Variants in CCDC171 observed in about 807,000 individuals in gnomAD.
CCDC171 encodes coiled-coil domain containing 171.
CCDC171 carries 177 observed loss-of-function variants against 168.2 expected under a neutral mutation model. The ratio of observed to expected loss-of-function variants is 1.05; its 90% CI spans 0.93 to 1.19. The LOEUF is 1.19. CCDC171 is among the 50% of genes most tolerant of loss of function. The pLI, the probability that CCDC171 is intolerant of heterozygous loss-of-function variation, is 0.00. For synonymous variants in CCDC171, 687 were observed against 540.8 expected (o/e 1.27, Z -3.75); for missense variants, 1,991 against 1,539.0 (o/e 1.29, Z -4.91).
chr9:16,000,728 C>CTT (rs368139063), intron 3 of CCDC171, among the ~76,000 whole-genome samples: 127 of 148,382 alleles, frequency 8.6e-4, no homozygotes, highest in East Asian at 2.8e-3. Context: ...TAAGAAGAGA[C>CTT]TTTTTTTTTT....
At chr9:15,690,274 G>T (rs2050696150) in intron 10 of CCDC171, among the ~76,000 whole-genome samples, 2 of 152,088 alleles carry the variant, frequency 1.3e-5, no homozygotes, top group South Asian at 4.2e-4. Flanking sequence ...TGTCAATTAT[G>T]TCTCAGTCAA....
At chr9:15,937,819 A>G (rs1047801988) in intron 25 of CCDC171, among the ~76,000 whole-genome samples, 2 of 152,054 alleles carry the variant, frequency 1.3e-5, no homozygotes, top group South Asian at 2.1e-4. Flanking sequence ...ATCTTTTTCT[A>G]CTGGGTAAAC....
chr9:16,057,326 T>A (rs1833856736), intron 1 of CCDC171, among the ~76,000 whole-genome samples: 1 of 152,232 alleles, frequency 6.6e-6, no homozygotes, highest in Non-Finnish European at 1.5e-5. Flanking sequence ...TATTATCTTT[T>A]ACAATATGGA....
intron 23 of CCDC171, among the ~76,000 whole-genome samples, chr9:15,855,583 T>TC (rs923524061): frequency 6.6e-6 from 1 of 151,896 alleles, no homozygotes; most frequent in Non-Finnish European, 1.5e-5. Flanking sequence ...GCCATTTTTT[T>TC]CTGCATGTGT....
the CCDC171 span, among the ~76,000 whole-genome samples, chr9:16,106,795 T>C: frequency 1.5e-4 from 23 of 152,134 alleles, no homozygotes; most frequent in Non-Finnish European, 2.2e-4. Flanking sequence ...AATCTTCCTC[T>C]GAGGCTTTTT....
intron 9 of CCDC171, among the ~76,000 whole-genome samples, chr9:15,668,400 TTTTACTCAAATTTAGTA>T: frequency 6.6e-6 from 1 of 152,314 alleles, no homozygotes; most frequent in South Asian, 2.1e-4. Flanking sequence ...ACTTGAAAAT[TTTTACTCAAATTTAGTA>T]TTCCAGTAAG....
chr9:15,987,069 G>A (rs192774958), intron 3 of CCDC171, among the ~76,000 whole-genome samples: 110 of 112,090 alleles, frequency 9.8e-4, no homozygotes, highest in African/African-American at 4.9e-3. Context: ...TCATAATATT[G>A]GCATAGAGAA....
chr9:15,655,414 T>A (rs1468954854), intron 7 of CCDC171, among the ~76,000 whole-genome samples: 1 of 152,208 alleles, frequency 6.6e-6, no homozygotes, highest in African/African-American at 2.4e-5. Flanking sequence ...AACAGATTCT[T>A]GGTCATGACC....
chr9:16,037,954 A>G (rs1015615864), upstream of CCDC171, among the ~76,000 whole-genome samples: 1 of 152,228 alleles, frequency 6.6e-6, no homozygotes, highest in African/African-American at 2.4e-5. Context: ...CAGGAAGTAC[A>G]GTAAGTCATG....
chr9:15,583,328 C>A lies in CCDC171; in HGVS notation c.352+4305C>A, dbSNP rs150252837. Among the ~76,000 whole-genome samples the A allele has an allele frequency of 2.3e-3, 341 of 149,028 alleles. 2 individuals are homozygous for A. Among genetic ancestry groups the A allele is most frequent in the African/African-American group, 8.1e-3 (329 of 40,676 alleles). On this transcript the variant is annotated intron_variant, in intron 4 of 25. Transcript: ENST00000380701. ...TACTTGGGAGGCTGAGGCAGAATAG[C>A]TTGAACCTGGGAGGCAGAGGTTGCA...
At chr9:16,060,048 T>C (rs939285960) in intron 1 of CCDC171, among the ~76,000 whole-genome samples, 2 of 152,166 alleles carry the variant, frequency 1.3e-5, no homozygotes, top group Non-Finnish European at 2.9e-5. Context: ...CTGCCCAACC[T>C]CCCTTCCTTA....
chr9:15,829,498 T>C (rs1470652040), intron 21 of CCDC171, among the ~76,000 whole-genome samples: 2 of 152,210 alleles, frequency 1.3e-5, no homozygotes, highest in African/African-American at 4.8e-5. Flanking sequence ...ATGTGAAAGT[T>C]AGTAATTTTT....
chr9:15,633,898 A>C (rs2045972446), intron 7 of CCDC171, among the ~76,000 whole-genome samples: 1 of 152,230 alleles, frequency 6.6e-6, no homozygotes. Flanking sequence ...ATTGGAAATC[A>C]TCATTCTCAG....
intron 21 of CCDC171, among the ~76,000 whole-genome samples, chr9:15,787,959 T>C (rs560103247): frequency 2.0e-5 from 3 of 152,334 alleles, no homozygotes; most frequent in Admixed American, 1.3e-4. Context: ...AAAGCATCTT[T>C]GTCATTTTGA....
chr9:15,923,791 C>CT (rs1270492737), intron 25 of CCDC171, among the ~76,000 whole-genome samples: 1 of 151,322 alleles, frequency 6.6e-6, no homozygotes, highest in Non-Finnish European at 1.5e-5. Flanking sequence ...AAATAGAGAA[C>CT]TTTTTTTCTC....
intron 23 of CCDC171, among the ~76,000 whole-genome samples, chr9:15,855,786 G>A (rs545734733): frequency 3.3e-5 from 5 of 151,864 alleles, no homozygotes; most frequent in East Asian, 1.9e-4. Flanking sequence ...TAATGCCAAC[G>A]TAGTGCCAAT....
chr9:16,008,675 C>T (rs1245369780), intron 3 of CCDC171, among the ~76,000 whole-genome samples: 1 of 152,202 alleles, frequency 6.6e-6, no homozygotes, highest in African/African-American at 2.4e-5. Context: ...CGCTGGGCCC[C>T]AGGTCTTGCC....
rs371815401 is a variant in CCDC171 at position 15,574,824 on chromosome 9, A to C, written c.177+3065A>C. ...TTGTTGGAGGATCTTGGGCAAGTTA[A>C]TTTATTTTTCTGAGCTACAGGTTTC... On this transcript the variant is annotated intron_variant, in intron 3 of 25. Coordinates refer to ENST00000380701, the MANE Select transcript of CCDC171 (RefSeq NM_173550.4). Among the ~76,000 whole-genome samples the C allele has an allele frequency of 3.3e-5, 5 of 152,304 alleles. No homozygotes were observed. In the East Asian group the frequency reaches 7.7e-4, roughly 23 times the overall value.
rs546544636 is a variant in CCDC171 at position 15,890,473 on chromosome 9, A to G, written c.3600+15810A>G. The stretch of plus-strand genomic sequence containing the variant: ...TCCACTAGGTAGCTCTGCAGCAGTG[A>G]AGTCTATAGGATGACTTTTAATCTG... On this transcript the variant is annotated intron_variant, in intron 24 of 25. Coordinates refer to ENST00000380701, the MANE Select transcript of CCDC171 (RefSeq NM_173550.4). Among the ~76,000 whole-genome samples, 216 of 152,180 alleles carry G rather than the reference A, an allele frequency of 1.4e-3. 1 individual carries two copies. Among genetic ancestry groups the G allele is most frequent in the African/African-American group, 5.1e-3 (212 of 41,520 alleles).
Sources: allele counts gnomAD v4.1 joint callset (sites outside exome capture counted in the v4.1 genomes callset), GRCh38; gene constraint gnomAD v4.1.1; transcripts MANE v1.5; gene names NCBI Gene and HGNC (gene_info 2026-07-23, HGNC 2026-07-21).